PBX1: variants seen among roughly 807,000 people sequenced by gnomAD.
PBX1 encodes PBX homeobox 1.
PBX1 carries 6 observed loss-of-function variants against 53.4 expected under a neutral mutation model. That is an observed-to-expected ratio of 0.11 (90% CI 0.06 to 0.22). PBX1 has a LOEUF of 0.22. PBX1 is among the 10% of genes least tolerant of loss of function. The pLI, the probability that PBX1 is intolerant of heterozygous loss-of-function variation, is 1.00. For synonymous variants in PBX1, 204 were observed against 212.3 expected, an observed-to-expected ratio of 0.96 and a Z score of 0.34; for missense variants, 251 against 551.4, an observed-to-expected ratio of 0.46 and a Z score of 5.46.
chr1:164,602,719 A>AG (rs1656263925), intron 2 of PBX1, among the ~76,000 whole-genome samples: 1 of 152,004 alleles, frequency 6.6e-6, no homozygotes, highest in Non-Finnish European at 1.5e-5. Context: ...GAAAAAAAAA[A>AG]AAAAAATGGG....
intron 2 of PBX1, among the ~76,000 whole-genome samples, chr1:164,646,921 C>G (rs908610856): frequency 6.6e-6 from 1 of 152,184 alleles, no homozygotes; most frequent in Non-Finnish European, 1.5e-5. Context: ...GCACTCATAC[C>G]TTTAGTGTGG....
chr1:164,791,916 C>T (rs1292813089), intron 2 of PBX1, among the ~76,000 whole-genome samples: 6 of 152,026 alleles, frequency 3.9e-5, no homozygotes, highest in Non-Finnish European at 7.4e-5. Context: ...CCTCCGCCTC[C>T]TGGGTTCAAG....
At chr1:164,816,853 AT>A (rs879695683) in intron 6 of PBX1, 1 of 151,596 alleles carries the variant, frequency 6.6e-6, no homozygotes, top group Non-Finnish European at 1.5e-5. Context: ...TTTGCTTTTA[AT>A]TTTTTTGTTT....
In PBX1 at chr1:164,848,942, T is replaced by A; in HGVS notation, c.*2266T>A. Reference sequence around the variant, plus strand: ...CAAAATGAAATTATGCCTTGATGACTAAAAGGCACTAGAAAGGTTGTGTCT... The same window carrying A: ...CAAAATGAAATTATGCCTTGATGACAAAAAGGCACTAGAAAGGTTGTGTCT... On this transcript the variant is annotated 3_prime_UTR_variant, in exon 9 of 9. Coordinates refer to ENST00000420696, the MANE Select transcript of PBX1 (RefSeq NM_002585.4). The A allele has an allele frequency of 9.3e-7, 1 of 1,077,714 alleles. No homozygotes were observed. Among genetic ancestry groups the A allele is most frequent in the Non-Finnish European group, 1.1e-6 (1 of 887,596 alleles). The allele number at this position is 1,077,714 out of a possible 1,614,324, so 66.8% of individuals were successfully genotyped here.
intron 3 of PBX1, among the ~76,000 whole-genome samples, chr1:164,798,576 C>T (rs528538295): frequency 3.3e-5 from 5 of 152,218 alleles, no homozygotes; most frequent in Non-Finnish European, 7.3e-5. Flanking sequence ...TCAGGCCCTA[C>T]CTCTGCCTCT....
intron 2 of PBX1, among the ~76,000 whole-genome samples, chr1:164,645,064 T>C (rs934704729): frequency 2.0e-5 from 3 of 152,170 alleles, no homozygotes; most frequent in African/African-American, 7.2e-5. Flanking sequence ...TTTTGGGTTT[T>C]TAATATGAGC....
At chr1:164,703,846 G>A (rs1175837741) in intron 2 of PBX1, among the ~76,000 whole-genome samples, 1 of 152,152 alleles carries the variant, frequency 6.6e-6, no homozygotes, top group Non-Finnish European at 1.5e-5. Context: ...GCACCCATGA[G>A]AACCGAACCA....
At chr1:164,744,460 G>T (rs1005185263) in intron 2 of PBX1, among the ~76,000 whole-genome samples, 2 of 152,126 alleles carry the variant, frequency 1.3e-5, no homozygotes, top group Non-Finnish European at 2.9e-5. Flanking sequence ...AATACTCATG[G>T]TTATACCAAC....
chr1:164,594,480 G>A (rs1046361715), intron 2 of PBX1, among the ~76,000 whole-genome samples: 5 of 152,036 alleles, frequency 3.3e-5, no homozygotes, highest in East Asian at 3.9e-4. Flanking sequence ...ACGGGGTTTC[G>A]CCGTGTTGGC....
At chr1:164,662,651 G>T (rs1660552116) in intron 2 of PBX1, among the ~76,000 whole-genome samples, 1 of 152,114 alleles carries the variant, frequency 6.6e-6, no homozygotes, top group African/African-American at 2.4e-5. Context: ...TGAGCATTCT[G>T]TGGATCAAGG....
Position 164,849,477 on chromosome 1 carries a change from A to G in PBX1, c.*2801A>G. Reference sequence around the variant, plus strand: ...GGTTTGGAAAGAGCATGCCTCTGGAAACACAGCTTCCTGGGAATTCACATG... The same window carrying G: ...GGTTTGGAAAGAGCATGCCTCTGGAGACACAGCTTCCTGGGAATTCACATG... On this transcript the variant is annotated 3_prime_UTR_variant, in exon 9 of 9. Transcript: ENST00000420696. 6.5e-7 allele frequency: 1 copy of G among 1,531,900 alleles called. No individual in the cohort carries two copies. The highest frequency in any genetic ancestry group is 8.7e-7 in the Non-Finnish European group (1 of 1,144,038). 94.9% of individuals were successfully genotyped at this position (1,531,900 alleles called of 1,614,324 possible).
chr1:164,667,957 C>T (rs1390574656), intron 2 of PBX1, among the ~76,000 whole-genome samples: 1 of 152,194 alleles, frequency 6.6e-6, no homozygotes, highest in East Asian at 1.9e-4. Flanking sequence ...TGGCTGTACA[C>T]AAATGGCTGC....
At chr1:164,687,772 C>T (rs1016864439) in intron 2 of PBX1, among the ~76,000 whole-genome samples, 1 of 152,144 alleles carries the variant, frequency 6.6e-6, no homozygotes, top group Non-Finnish European at 1.5e-5. Flanking sequence ...AGTAACATAA[C>T]CAGCATTGGC....
intron 2 of PBX1, chr1:164,771,329 G>A (rs1650611086): frequency 6.6e-6 from 1 of 152,004 alleles, no homozygotes; most frequent in Non-Finnish European, 1.5e-5. Context: ...TCTGTATCCT[G>A]GTAGCCAGAA....
At chr1:164,690,728 C>T (rs1052937935) in intron 2 of PBX1, among the ~76,000 whole-genome samples, 1 of 151,830 alleles carries the variant, frequency 6.6e-6, no homozygotes, top group Admixed American at 6.6e-5. Context: ...CATATCACAC[C>T]AATATTCAGT....
intron 2 of PBX1, among the ~76,000 whole-genome samples, chr1:164,740,684 A>G (rs1665556779): frequency 6.6e-6 from 1 of 152,202 alleles, no homozygotes; most frequent in Non-Finnish European, 1.5e-5. Flanking sequence ...CAAAATATTG[A>G]ATGTGCATCT....
rs1240883900 is a variant in PBX1, at chr1:164,850,597, G to T, written c.*3921G>T. The T allele has an allele frequency of 1.6e-5, 3 of 192,348 alleles. No homozygotes were observed. Among genetic ancestry groups the T allele is most frequent in the Non-Finnish European group, 3.3e-5 (3 of 92,074 alleles). The allele number at this position is 192,348 out of a possible 1,614,324, so 11.9% of individuals were successfully genotyped here. On this transcript the variant is annotated 3_prime_UTR_variant, in exon 9 of 9. Coordinates refer to ENST00000420696, the MANE Select transcript of PBX1 (RefSeq NM_002585.4). ...AAGGTGATGTGAAAAGATGACTTGG[G>T]CAGAGGAGTAAGAACAAGTAGGCTT...
intron 2 of PBX1, among the ~76,000 whole-genome samples, chr1:164,632,768 A>G (rs889625567): frequency 2.6e-5 from 4 of 152,126 alleles, no homozygotes; most frequent in African/African-American, 9.7e-5. Flanking sequence ...GGTCTAGAGG[A>G]TATTATTACC....
At chr1:164,687,822 A>G (rs1485200323) in intron 2 of PBX1, among the ~76,000 whole-genome samples, 2 of 152,216 alleles carry the variant, frequency 1.3e-5, no homozygotes, top group African/African-American at 2.4e-5. Context: ...AAGAACTTAT[A>G]TATGCAGAAA....
Sources: gnomAD v4.1 joint callset for allele counts (sites outside exome capture counted in the v4.1 genomes callset) on GRCh38, gnomAD v4.1.1 for gene constraint, MANE v1.5 for transcripts, NCBI Gene and HGNC (gene_info 2026-07-23, HGNC 2026-07-21) for gene names.